The following KIF6 variants were observed in gnomAD, a reference collection of about 807,000 sequenced individuals.
The protein encoded by KIF6 is kinesin family member 6, also known as kinesin-like protein KIF6.
KIF6 carries 106 observed loss-of-function variants against 112.7 expected under a neutral mutation model. The ratio of observed to expected loss-of-function variants is 0.94; its 90% CI spans 0.80 to 1.11. KIF6 has a LOEUF of 1.11. Among genes scored for constraint, KIF6 ranks in the 50% least tolerant of loss-of-function variants. The pLI is 0.00. For missense variants in KIF6, 929 were observed against 964.0 expected (o/e 0.96, Z 0.48); for synonymous variants, 339 against 339.9 (o/e 1.00, Z 0.03).
chr6:39,669,479 C>G (rs2150827850), intron 3 of KIF6, among the ~76,000 whole-genome samples: 1 of 152,332 alleles, frequency 6.6e-6, no homozygotes, highest in African/African-American at 2.4e-5. Flanking sequence ...GGTGGTGAAT[C>G]ATTTCCTTTG....
chr6:39,590,432 T>TAG (rs1212118531), intron 7 of KIF6, among the ~76,000 whole-genome samples: 4 of 88,426 alleles, frequency 4.5e-5, no homozygotes, highest in Admixed American at 1.1e-4. Context: ...TGTGTGTGTA[T>TAG]ATATATATAT....
chr6:39,385,957 C>T (rs970399367), intron 15 of KIF6, among the ~76,000 whole-genome samples: 1 of 152,166 alleles, frequency 6.6e-6, no homozygotes, highest in Admixed American at 6.5e-5. Flanking sequence ...ATAACTTTCA[C>T]TGAGGCCCCT....
intron 3 of KIF6, among the ~76,000 whole-genome samples, chr6:39,678,070 A>G (rs1416772160): frequency 2.6e-5 from 4 of 152,240 alleles, no homozygotes; most frequent in African/African-American, 9.6e-5. Context: ...ATCACTGGCC[A>G]TCAGAGAAAT....
At chr6:39,417,338 G>T (rs997645271) in intron 15 of KIF6, among the ~76,000 whole-genome samples, 1 of 152,144 alleles carries the variant, frequency 6.6e-6, no homozygotes, top group East Asian at 1.9e-4. Flanking sequence ...CCAGGAATGG[G>T]TCTCACTGTG....
intron 3 of KIF6, among the ~76,000 whole-genome samples, chr6:39,685,212 G>T (rs941835719): frequency 1.3e-5 from 2 of 152,220 alleles, no homozygotes; most frequent in African/African-American, 4.8e-5. Context: ...CGATGCTGTG[G>T]AAAGAAGAAA....
intron 15 of KIF6, among the ~76,000 whole-genome samples, chr6:39,398,517 T>A (rs1055975975): frequency 1.3e-5 from 2 of 152,244 alleles, no homozygotes; most frequent in Non-Finnish European, 2.9e-5. Context: ...GATATTATCT[T>A]TGAGAAAAAC....
intron 15 of KIF6, among the ~76,000 whole-genome samples, chr6:39,418,719 G>C (rs983617142): frequency 1.3e-5 from 2 of 152,168 alleles, no homozygotes; most frequent in African/African-American, 4.8e-5. Flanking sequence ...TGTGTCTCTG[G>C]GTCTGGCTGC....
chr6:39,505,614 C>A (rs1776378493), intron 13 of KIF6, among the ~76,000 whole-genome samples: 1 of 152,128 alleles, frequency 6.6e-6, no homozygotes, highest in Non-Finnish European at 1.5e-5. Context: ...TGACAAAGGT[C>A]TAATATTCAG....
At chr6:39,629,054 A>G (rs1582311536) in intron 5 of KIF6, among the ~76,000 whole-genome samples, 2 of 152,244 alleles carry the variant, frequency 1.3e-5, no homozygotes, top group African/African-American at 4.8e-5. Context: ...TGGATGTACT[A>G]CAGTTTATCT....
At position 39,330,127 on chromosome 6, in the gene KIF6, C is replaced by T. The variant is rs747161498; in HGVS notation, c.*6405G>A. ...AGGTAGTGCCATAAAAGAAATGCCA[C>T]ACCAGCCAGCGGGAATGATCTCCTC... On this transcript the variant is annotated 3_prime_UTR_variant, in exon 23 of 23. Transcript: ENST00000287152. 4 of 152,198 alleles carry T rather than the reference C, an allele frequency of 2.6e-5. No individual in the cohort carries two copies. Among genetic ancestry groups the T allele is most frequent in the Non-Finnish European group, 5.9e-5 (4 of 68,036 alleles). 9.4% of individuals were successfully genotyped at this position (152,198 alleles called of 1,614,324 possible).
In KIF6 at chr6:39,331,127, C is replaced by T. The variant is rs1250296725; in HGVS notation, c.*5405G>A. On this transcript the variant is annotated 3_prime_UTR_variant, in exon 23 of 23. Transcript: ENST00000287152. ...CTTGCCGGGTTCTCACACTCCCACC[C>T]ACCTTGATAGTGAGTCCAAGCCCAT... 1 of 152,552 alleles carries T rather than the reference C, an allele frequency of 6.6e-6. No individual in the cohort carries two copies. Among genetic ancestry groups the T allele is most frequent in the East Asian group, 1.9e-4 (1 of 5,180 alleles). 9.4% of individuals were successfully genotyped at this position (152,552 alleles called of 1,614,324 possible).
At chr6:39,579,588 T>C (rs1283000832) in intron 9 of KIF6, among the ~76,000 whole-genome samples, 4 of 152,130 alleles carry the variant, frequency 2.6e-5, no homozygotes, top group African/African-American at 7.2e-5. Context: ...ATAATCTAAT[T>C]AGCACCTTCT....
intron 2 of KIF6, among the ~76,000 whole-genome samples, chr6:39,719,784 T>C (rs1479239114): frequency 6.6e-6 from 1 of 152,166 alleles, no homozygotes; most frequent in Non-Finnish European, 1.5e-5. Flanking sequence ...TGTGAGGGCA[T>C]ATGTAATTTA....
At chr6:39,371,088 A>G (rs1406102028) in intron 16 of KIF6, among the ~76,000 whole-genome samples, 4 of 152,154 alleles carry the variant, frequency 2.6e-5, no homozygotes, top group Non-Finnish European at 5.9e-5. Context: ...TGGGGTACAA[A>G]TATTCCTGTT....
chr6:39,556,225 C>A (rs9471123), intron 10 of KIF6, among the ~76,000 whole-genome samples: 38,242 of 151,994 alleles, frequency 0.25, 5,957 homozygotes, highest in African/African-American at 0.42. Context: ...TTAATGTTAA[C>A]ACAAGTACAC....
intron 3 of KIF6, among the ~76,000 whole-genome samples, chr6:39,645,112 C>A (rs1785097393): frequency 6.6e-6 from 1 of 151,996 alleles, no homozygotes; most frequent in Non-Finnish European, 1.5e-5. Flanking sequence ...CTTTATAAAC[C>A]CAGAGTTTGA....
intron 3 of KIF6, among the ~76,000 whole-genome samples, chr6:39,684,139 G>A (rs1787703375): frequency 6.6e-6 from 1 of 152,194 alleles, no homozygotes. Flanking sequence ...GTCAGCTCTT[G>A]CCCTGCAGCA....
intron 13 of KIF6, among the ~76,000 whole-genome samples, chr6:39,512,848 C>T (rs1363815955): frequency 1.3e-5 from 2 of 152,102 alleles, no homozygotes; most frequent in African/African-American, 4.8e-5. Flanking sequence ...TCGAATGCTC[C>T]CTTTCTGACT....
intron 12 of KIF6, among the ~76,000 whole-genome samples, chr6:39,541,856 A>G (rs537934053): frequency 1.3e-5 from 2 of 152,350 alleles, no homozygotes; most frequent in East Asian, 3.9e-4. Flanking sequence ...AAGTTTCCCT[A>G]AAGAGAAACA....
Sources: gnomAD v4.1 joint callset for allele counts (sites outside exome capture counted in the v4.1 genomes callset) on GRCh38, gnomAD v4.1.1 for gene constraint, MANE v1.5 for transcripts, NCBI Gene and HGNC (gene_info 2026-07-23, HGNC 2026-07-21) for gene names.